Variants in PCDH7 observed in about 807,000 individuals in gnomAD.
The protein encoded by PCDH7 is protocadherin 7.
In PCDH7, 17 loss-of-function variants were observed where a neutral mutation model predicts 58.9. The ratio of observed to expected loss-of-function variants is 0.29; its 90% CI spans 0.20 to 0.43. The LOEUF is 0.43. Among genes scored for constraint, PCDH7 ranks in the 20% least tolerant of loss-of-function variants. PCDH7 has a pLI of 1.00. For missense variants in PCDH7, 1,274 were observed against 1,441.0 expected (o/e 0.88, Z 1.88); for synonymous variants, 664 against 616.4 (o/e 1.08, Z -1.14).
intron 3 of PCDH7, among the ~76,000 whole-genome samples, chr4:31,065,315 G>A (rs1757991412): frequency 6.6e-6 from 1 of 152,008 alleles, no homozygotes; most frequent in Admixed American, 6.6e-5. Flanking sequence ...GGAATGAGCA[G>A]CACTTTAATA....
At chr4:30,927,972 CT>C (rs71190475) in intron 2 of PCDH7, among the ~76,000 whole-genome samples, 3 of 152,110 alleles carry the variant, frequency 2.0e-5, no homozygotes, top group African/African-American at 7.2e-5. Context: ...GTTTAGTAGT[CT>C]TTTTTTTATT....
At chr4:30,797,937 C>A (rs562205249) in intron 1 of PCDH7, among the ~76,000 whole-genome samples, 26 of 152,174 alleles carry the variant, frequency 1.7e-4, no homozygotes, top group African/African-American at 5.5e-4. Flanking sequence ...ATATATGTCA[C>A]GAATCACGTG....
chr4:30,889,962 A>G (rs1259169935), intron 1 of PCDH7, among the ~76,000 whole-genome samples: 1 of 152,206 alleles, frequency 6.6e-6, no homozygotes, highest in African/African-American at 2.4e-5. Context: ...CAAATACATA[A>G]TTAAGGAATT....
chr4:30,799,103 T>G lies in PCDH7; in HGVS notation c.70+74507T>G, dbSNP rs1260022154. Among the ~76,000 whole-genome samples, 3 of 152,144 alleles carry G rather than the reference T, an allele frequency of 2.0e-5. No individual in the cohort carries two copies. In the East Asian group the frequency reaches 5.8e-4, roughly 29 times the overall value. On this transcript the variant is annotated intron_variant, in intron 1 of 3. Coordinates refer to the PCDH7 transcript ENST00000509759. ...AATATCGGAGACATAGTCTGTAGAG[T>G]TACTTTTCTTTCTCCTTTCTTTTTT...
At chr4:31,025,220 T>C (rs975004069) in intron 3 of PCDH7, among the ~76,000 whole-genome samples, 3 of 152,216 alleles carry the variant, frequency 2.0e-5, no homozygotes, top group African/African-American at 7.2e-5. Flanking sequence ...ACATACATTT[T>C]TTCAGTATTT....
chr4:30,914,690 T>G (rs1042946444), intron 1 of PCDH7, among the ~76,000 whole-genome samples: 3 of 152,206 alleles, frequency 2.0e-5, no homozygotes, highest in Non-Finnish European at 4.4e-5. Flanking sequence ...TATATAGCTG[T>G]GGCCTGAGGT....
In PCDH7 at chr4:30,784,206, T is replaced by C. The variant is rs141181299; in HGVS notation, c.70+59610T>C. Among the ~76,000 whole-genome samples the C allele has an allele frequency of 3.3e-5, 5 of 152,326 alleles. No homozygotes were observed. In the East Asian group the frequency reaches 9.6e-4, roughly 29 times the overall value. On this transcript the variant is annotated intron_variant, in intron 1 of 3. Coordinates refer to the PCDH7 transcript ENST00000509759. ...GTAACATCCAGTTCTACTCTGACCC[T>C]TACCAAAGACAATTTTCAGAATGGT... is the stretch of plus-strand genomic sequence containing the variant.
At chr4:30,840,994 G>A (rs1731143462) in intron 1 of PCDH7, among the ~76,000 whole-genome samples, 1 of 151,772 alleles carries the variant, frequency 6.6e-6, no homozygotes, top group African/African-American at 2.4e-5. Context: ...TTTTGCAAAA[G>A]CATTTTAAAT....
At chr4:31,137,634 TA>T (rs556168818) in intron 3 of PCDH7, among the ~76,000 whole-genome samples, 115 of 152,282 alleles carry the variant, frequency 7.6e-4, no homozygotes, top group African/African-American at 2.6e-3. Flanking sequence ...AAATACTTCT[TA>T]TTTTTTTGCA....
chr4:30,824,309 A>G (rs1288932728), intron 1 of PCDH7, among the ~76,000 whole-genome samples: 2 of 152,008 alleles, frequency 1.3e-5, no homozygotes, highest in Non-Finnish European at 2.9e-5. Context: ...TCAAAAATTT[A>G]AACACAAGCT....
chr4:30,838,809 C>A (rs1305552766), intron 1 of PCDH7, among the ~76,000 whole-genome samples: 1 of 152,090 alleles, frequency 6.6e-6, no homozygotes, highest in Non-Finnish European at 1.5e-5. Context: ...TGCAGAAAGT[C>A]TAGCATCCAA....
chr4:30,748,227 C>G (rs1210222658), intron 1 of PCDH7, among the ~76,000 whole-genome samples: 1 of 152,116 alleles, frequency 6.6e-6, no homozygotes, highest in Non-Finnish European at 1.5e-5. Flanking sequence ...AACTGACCTG[C>G]TACAATCAGA....
intron 1 of PCDH7, among the ~76,000 whole-genome samples, chr4:30,814,595 C>G (rs1727436496): frequency 6.6e-6 from 1 of 151,832 alleles, no homozygotes; most frequent in Non-Finnish European, 1.5e-5. Flanking sequence ...TATAAGGAAG[C>G]CCTTTTGTGT....
chr4:30,810,993 C>G (rs111406260), intron 1 of PCDH7, among the ~76,000 whole-genome samples: 97 of 152,262 alleles, frequency 6.4e-4, no homozygotes, highest in African/African-American at 1.7e-3. Context: ...ACAGTTACAG[C>G]GGAGGTGCTA....
chr4:30,865,544 C>T (rs1253566846), intron 1 of PCDH7, among the ~76,000 whole-genome samples: 4 of 151,976 alleles, frequency 2.6e-5, no homozygotes, highest in Admixed American at 2.0e-4. Context: ...AATACCACCT[C>T]GTAAGCTTGT....
intron 1 of PCDH7, among the ~76,000 whole-genome samples, chr4:30,846,591 A>C (rs1731996214): frequency 6.6e-6 from 1 of 152,002 alleles, no homozygotes; most frequent in African/African-American, 2.4e-5. Flanking sequence ...TGTGCAGGAT[A>C]AAGTGTTTAA....
chr4:30,929,008 G>C (rs550786020), intron 2 of PCDH7, among the ~76,000 whole-genome samples: 22 of 152,168 alleles, frequency 1.4e-4, no homozygotes, highest in African/African-American at 4.3e-4. Flanking sequence ...CTATAAAATA[G>C]ATTAATTTTG....
intron 1 of PCDH7, among the ~76,000 whole-genome samples, chr4:30,879,808 G>T (rs1418812985): frequency 1.3e-5 from 2 of 151,962 alleles, no homozygotes; most frequent in Non-Finnish European, 2.9e-5. Context: ...AGCATCCCTT[G>T]TTTCTTGATT....
chr4:30,981,487 CATA>C (rs775120660), intron 3 of PCDH7, among the ~76,000 whole-genome samples: 1 of 152,144 alleles, frequency 6.6e-6, no homozygotes, highest in Non-Finnish European at 1.5e-5. Context: ...CATGATTTTT[CATA>C]ATATTACTCT....
Sources: allele counts gnomAD v4.1 joint callset (sites outside exome capture counted in the v4.1 genomes callset), GRCh38; gene constraint gnomAD v4.1.1; transcripts MANE v1.5; gene names NCBI Gene and HGNC (gene_info 2026-07-23, HGNC 2026-07-21).